KDM1A: variants seen among roughly 807,000 people sequenced by gnomAD.
KDM1A encodes the protein lysine demethylase 1A.
A neutral mutation model predicts 109.4 loss-of-function variants in KDM1A; 49 were observed. That is an observed-to-expected ratio of 0.45 (90% CI 0.36 to 0.57). The LOEUF (loss-of-function observed/expected upper bound fraction) is 0.57. Among genes scored for constraint, KDM1A ranks in the 20% least tolerant of loss-of-function variants. The pLI is 0.00. For missense variants in KDM1A, 668 were observed against 1,116.6 expected (o/e 0.60, Z 5.73); for synonymous variants, 380 against 415.4 (o/e 0.91, Z 1.04).
At chr1:23,074,681 G>T (rs1643412624) in intron 15 of KDM1A, among the ~76,000 whole-genome samples, 1 of 152,100 alleles carries the variant, frequency 6.6e-6, no homozygotes, top group Non-Finnish European at 1.5e-5. Flanking sequence ...AATTGTATGG[G>T]TTTAGCTCTT....
intron 8 of KDM1A, among the ~76,000 whole-genome samples, 168 bp from the exon 9 acceptor site, chr1:23,058,905 C>T (rs1012087584): frequency 9.3e-5 from 14 of 151,114 alleles, no homozygotes; most frequent in Admixed American, 2.6e-4. Flanking sequence ...TTTTTGCCTT[C>T]ATGTTTGTCT....
At chr1:23,028,126 T>C (rs184233821) in intron 1 of KDM1A, among the ~76,000 whole-genome samples, 6 of 152,370 alleles carry the variant, frequency 3.9e-5, no homozygotes, top group Admixed American at 3.9e-4. Flanking sequence ...GAAAAGATTG[T>C]TTTTGATGCA....
At chr1:23,038,946 G>GCC (rs1442024454) in intron 2 of KDM1A, among the ~76,000 whole-genome samples, 3 of 152,158 alleles carry the variant, frequency 2.0e-5, no homozygotes, top group Non-Finnish European at 4.4e-5. Context: ...TGTTGTAAGT[G>GCC]ATCCTCCTGA....
chr1:23,056,027 T>C lies in KDM1A; in HGVS notation c.979T>C (p.Leu327=), dbSNP rs541709504. The C allele has an allele frequency of 1.1e-4, 175 of 1,611,074 alleles. 1 individual carries two copies. The South Asian group carries it at 1.7e-3, about 16-fold the overall frequency. The part of the protein sequence containing the change: ...LQSFGMDVTL[L]EARDRVGGRV... Reference sequence around the variant, plus strand: ...AAGTTTTGGAATGGATGTCACACTTTTGGAAGCCAGGGTAAGAATTTCATT... The same window carrying C: ...AAGTTTTGGAATGGATGTCACACTTCTGGAAGCCAGGGTAAGAATTTCATT... Residue 327 remains leucine, a synonymous_variant, in exon 7 of 21, where the codon TTG becomes CTG. Transcript: ENST00000400181.
intron 12 of KDM1A, among the ~76,000 whole-genome samples, chr1:23,069,703 C>G (rs1643263306): frequency 6.6e-6 from 1 of 152,218 alleles, no homozygotes; most frequent in Non-Finnish European, 1.5e-5. Flanking sequence ...TGAAGACCAA[C>G]AAATCAGCAG....
intron 9 of KDM1A, among the ~76,000 whole-genome samples, chr1:23,060,045 C>A (rs1642955623): frequency 6.6e-6 from 1 of 152,214 alleles, no homozygotes; most frequent in African/African-American, 2.4e-5. Context: ...GAAGGACAGA[C>A]TCTCAGGGAA....
chr1:23,033,364 A>C (rs1458363543), intron 2 of KDM1A, among the ~76,000 whole-genome samples: 1 of 152,148 alleles, frequency 6.6e-6, no homozygotes, highest in East Asian at 1.9e-4. Flanking sequence ...TCTACTAAAA[A>C]TAGAAAAATT....
rs1223801959 is a variant in KDM1A, at chr1:23,077,326, T to C, written c.1833T>C (p.Asn611=). ...ALAEGLDIKL[N]TAVRQVRYTA... ...CAGAAGGCCTAGACATTAAACTGAA[T>C]ACAGCAGTGCGACAGGTTCGCTACA... Residue 611 remains asparagine (N), a synonymous_variant, in exon 16 of 21, where the codon AAT becomes AAC. Coordinates refer to ENST00000400181, the MANE Select transcript of KDM1A (RefSeq NM_001009999.3). 1 of 1,613,950 alleles carries C rather than the reference T, an allele frequency of 6.2e-7. No homozygotes were observed. The highest frequency in any genetic ancestry group is 8.5e-7 in the Non-Finnish European group (1 of 1,179,832).
At chr1:23,039,186 A>G (rs976333014) in intron 2 of KDM1A, among the ~76,000 whole-genome samples, 2 of 152,196 alleles carry the variant, frequency 1.3e-5, no homozygotes, top group Non-Finnish European at 2.9e-5. Context: ...ATTTAATTGT[A>G]TTAGCCAGTC....
At position 23,019,511 on chromosome 1, in the gene KDM1A, T is replaced by C. The variant is rs1329253773; in HGVS notation, c.-86T>C. The stretch of plus-strand genomic sequence containing the variant: ...GGCGGTTGGCGGCGCGCGGGCAGCG[T>C]GAAGCGAGGCGAGGCAAGGCTTTTC... On this transcript the variant is annotated 5_prime_UTR_variant, in exon 1 of 21. Transcript: ENST00000400181. 56 of 1,307,736 alleles carry C rather than the reference T, an allele frequency of 4.3e-5. No individual in the cohort carries two copies. The highest frequency in any genetic ancestry group is 7.6e-5 in the African/African-American group (5 of 65,758). The allele number at this position is 1,307,736 out of a possible 1,614,324, so 81.0% of individuals were successfully genotyped here.
chr1:23,072,701 A>T (rs1454366000), intron 14 of KDM1A, among the ~76,000 whole-genome samples: 1 of 152,170 alleles, frequency 6.6e-6, no homozygotes, highest in Non-Finnish European at 1.5e-5. Flanking sequence ...GCTGGAGTGC[A>T]ATGATGTGAT....
chr1:23,022,648 C>CTTT (rs58124287), intron 1 of KDM1A, among the ~76,000 whole-genome samples: 161 of 36,770 alleles, frequency 4.4e-3, no homozygotes, highest in Non-Finnish European at 5.1e-3. Context: ...CCTTCTTCTT[C>CTTT]TTTTTTTTTT....
chr1:23,064,426 C>T (rs1643103803), intron 9 of KDM1A, among the ~76,000 whole-genome samples: 1 of 152,194 alleles, frequency 6.6e-6, no homozygotes, highest in Non-Finnish European at 1.5e-5. Flanking sequence ...CTCCACTGGC[C>T]AGATTTGGCC....
intron 1 of KDM1A, among the ~76,000 whole-genome samples, chr1:23,029,333 A>G (rs553194559): frequency 3.9e-5 from 6 of 152,326 alleles, no homozygotes; most frequent in Non-Finnish European, 8.8e-5. Flanking sequence ...GGAATTAATA[A>G]TAATTAGAAT....
intron 9 of KDM1A, among the ~76,000 whole-genome samples, chr1:23,059,774 C>G (rs971923976): frequency 6.6e-6 from 1 of 152,122 alleles, no homozygotes; most frequent in Non-Finnish European, 1.5e-5. Flanking sequence ...TAATTTTTTA[C>G]AAGTGAGTGA....
Position 23,079,300 on chromosome 1 carries a change from C to T in KDM1A, c.2055+123C>T. ...TTGGCTATGCTCCCAATTGTGACATCAGGGCTGAGGCGTGTCAGTTGATTC... is the reference window on the plus strand; with the variant it reads ...TTGGCTATGCTCCCAATTGTGACATTAGGGCTGAGGCGTGTCAGTTGATTC... On this transcript the variant is annotated intron_variant, in intron 17 of 20. Transcript: ENST00000400181. The surrounding 1 kb of genome is among the most constrained non-coding windows in gnomAD (Gnocchi z 5.6). The T allele has an allele frequency of 1.0e-6, 1 of 977,022 alleles. No individual in the cohort carries two copies. Among genetic ancestry groups the T allele is most frequent in the South Asian group, 1.6e-5 (1 of 62,348 alleles). The allele number at this position is 977,022 out of a possible 1,614,324, so 60.5% of individuals were successfully genotyped here. A position where few individuals can be genotyped will look rare whatever the true frequency, so the allele number is the denominator to read the frequency against.
At chr1:23,036,311 C>T (rs1642141605) in intron 2 of KDM1A, among the ~76,000 whole-genome samples, 1 of 152,028 alleles carries the variant, frequency 6.6e-6, no homozygotes, top group African/African-American at 2.4e-5. Context: ...GGAGTTCATT[C>T]CTGACGGGGT....
intron 1 of KDM1A, chr1:23,020,333 T>C (rs1049590057): frequency 6.1e-6 from 1 of 163,106 alleles, no homozygotes; most frequent in African/African-American, 2.4e-5. Flanking sequence ...TGGAAGCTGT[T>C]GGGCGATATT....
Position 23,053,814 on chromosome 1 carries a change from C to G in KDM1A, c.765C>G (p.Leu255=). 6.2e-7 allele frequency: 1 copy of G among 1,606,150 alleles called. No homozygotes were observed. The highest frequency in any genetic ancestry group is 8.5e-7 in the Non-Finnish European group (1 of 1,172,884). ...TTCAGCTGACATTTGAGGCTACTCTCCAACAATTAGAAGCACCTTATAACA... is the reference window on the plus strand; with the variant it reads ...TTCAGCTGACATTTGAGGCTACTCTGCAACAATTAGAAGCACCTTATAACA... ...PKIQLTFEAT[L]QQLEAPYNSD... Residue 255 remains leucine, a synonymous_variant, in exon 5 of 21, where the codon CTC becomes CTG. Transcript: ENST00000400181.
Sources: allele counts gnomAD v4.1 joint callset (sites outside exome capture counted in the v4.1 genomes callset), GRCh38; gene constraint gnomAD v4.1.1; non-coding constraint Gnocchi (gnomAD v3.1); transcripts MANE v1.5; gene names NCBI Gene and HGNC (gene_info 2026-07-23, HGNC 2026-07-21).